Variants in XKR4 observed in about 807,000 individuals in gnomAD.
The protein encoded by XKR4 is XK related 4, also known as XK-related protein 4.
XKR4 carries 12 observed loss-of-function variants against 53.9 expected under a neutral mutation model. That is an observed-to-expected ratio of 0.22 (90% CI 0.14 to 0.36). XKR4 has a LOEUF of 0.36. Among genes scored for constraint, XKR4 ranks in the 10% least tolerant of loss-of-function variants. The pLI is 1.00. For synonymous variants in XKR4, 354 were observed against 362.4 expected (o/e 0.98, Z 0.26); for missense variants, 799 against 859.5 (o/e 0.93, Z 0.88).
chr8:55,261,300 T>A (rs1818521901), intron 1 of XKR4, among the ~76,000 whole-genome samples: 1 of 152,164 alleles, frequency 6.6e-6, no homozygotes, highest in African/African-American at 2.4e-5. Context: ...ACCCCCAAAT[T>A]CTTCAAAGAC....
chr8:55,141,663 C>T (rs1816704305), intron 1 of XKR4, among the ~76,000 whole-genome samples: 1 of 149,084 alleles, frequency 6.7e-6, no homozygotes, highest in African/African-American at 2.5e-5. Flanking sequence ...CTCTCTCTCT[C>T]TCTCTCTCTG....
chr8:55,240,438 C>T (rs1041744881), intron 1 of XKR4, among the ~76,000 whole-genome samples: 9 of 152,024 alleles, frequency 5.9e-5, no homozygotes, highest in East Asian at 1.9e-4. Context: ...TGATGAATTA[C>T]GGGACAGTTT....
intron 1 of XKR4, among the ~76,000 whole-genome samples, chr8:55,268,126 G>A (rs1265558622): frequency 5.3e-5 from 8 of 152,064 alleles, no homozygotes; most frequent in African/African-American, 9.7e-5. Flanking sequence ...AGACATTGTC[G>A]GAACAGCACC....
At chr8:55,253,499 T>C (rs1165350973) in intron 1 of XKR4, among the ~76,000 whole-genome samples, 1 of 152,188 alleles carries the variant, frequency 6.6e-6, no homozygotes, top group African/African-American at 2.4e-5. Context: ...AACGAACCAT[T>C]GTGAAAAATG....
At chr8:55,315,292 C>T (rs2129378733) in intron 1 of XKR4, among the ~76,000 whole-genome samples, 2 of 152,284 alleles carry the variant, frequency 1.3e-5, no homozygotes, top group Middle Eastern at 3.4e-3. Flanking sequence ...TGTTCGGAGT[C>T]CAGCGGTTCC....
chr8:55,384,250 G>A (rs1185347358), intron 2 of XKR4, among the ~76,000 whole-genome samples: 1 of 152,204 alleles, frequency 6.6e-6, no homozygotes, highest in African/African-American at 2.4e-5. Flanking sequence ...TTGGAGTCGG[G>A]TCTTCCTTCA....
intron 2 of XKR4, among the ~76,000 whole-genome samples, chr8:55,399,815 G>T (rs1804573328): frequency 6.6e-6 from 1 of 152,170 alleles, no homozygotes; most frequent in African/African-American, 2.4e-5. Flanking sequence ...AGAGGGGAGT[G>T]GTCAGAAGTA....
intron 2 of XKR4, among the ~76,000 whole-genome samples, chr8:55,414,692 AG>A (rs1804820684): frequency 6.6e-6 from 1 of 152,086 alleles, no homozygotes; most frequent in Non-Finnish European, 1.5e-5. Flanking sequence ...TTTAAGAGGC[AG>A]CTGACCACAT....
intron 2 of XKR4, among the ~76,000 whole-genome samples, chr8:55,444,300 C>A (rs76953086): frequency 9.5e-4 from 145 of 152,226 alleles, no homozygotes; most frequent in Non-Finnish European, 1.7e-3. Context: ...GTATAGGAAG[C>A]GAACTCAGGA....
At position 55,306,195 on chromosome 8, in the gene XKR4, A is replaced by G. The variant is rs375201904; in HGVS notation, c.807-51483A>G. Reference sequence around the variant, plus strand: ...TGGGCCGATAAACTGAACATGGTTTATAAACATTGAAATGGGTGGTAGGCT... The same window carrying G: ...TGGGCCGATAAACTGAACATGGTTTGTAAACATTGAAATGGGTGGTAGGCT... On this transcript the variant is annotated intron_variant, in intron 1 of 2. Transcript: ENST00000327381. Among the ~76,000 whole-genome samples the G allele has an allele frequency of 2.7e-4, 41 of 152,346 alleles. 1 individual carries two copies. The South Asian group carries it at 7.9e-3, about 29-fold the overall frequency.
intron 2 of XKR4, among the ~76,000 whole-genome samples, chr8:55,461,121 G>T (rs931119183): frequency 2.0e-5 from 3 of 152,246 alleles, no homozygotes; most frequent in African/African-American, 7.2e-5. Flanking sequence ...GCTTTGAAGA[G>T]AGTAGTGGTT....
rs562721538 is a variant in XKR4 at position 55,262,388 on chromosome 8, T to C, written c.807-95290T>C. ...AAGTGGTTATTATGGACTGAATGTT[T>C]GTGTCCCTGAAAAAATTCACATGTT... On this transcript the variant is annotated intron_variant, in intron 1 of 2. Coordinates refer to ENST00000327381, the MANE Select transcript of XKR4 (RefSeq NM_052898.2). 4.6e-5 allele frequency among the ~76,000 whole-genome samples: 7 copies of C among 152,360 alleles called. No homozygotes were observed. The East Asian group carries it at 1.2e-3, about 25-fold the overall frequency.
chr8:55,278,352 A>C (rs1165161301), intron 1 of XKR4, among the ~76,000 whole-genome samples: 1 of 151,454 alleles, frequency 6.6e-6, no homozygotes, highest in Non-Finnish European at 1.5e-5. Flanking sequence ...AAAAAAAAAA[A>C]AGCATACATC....
intron 1 of XKR4, among the ~76,000 whole-genome samples, chr8:55,309,018 G>A (rs537469588): frequency 3.9e-5 from 6 of 152,274 alleles, no homozygotes; most frequent in African/African-American, 1.4e-4. Context: ...GGAGGAAGAG[G>A]CCATAAGCCA....
intron 1 of XKR4, chr8:55,161,472 G>C (rs1000315099): frequency 2.2e-6 from 1 of 452,892 alleles, no homozygotes; most frequent in African/African-American, 2.0e-5. Context: ...TGCTGGGCTG[G>C]GCAGTGATGG....
chr8:55,287,174 A>T (rs892024824), intron 1 of XKR4, among the ~76,000 whole-genome samples: 2 of 66,654 alleles, frequency 3.0e-5, no homozygotes, highest in Non-Finnish European at 1.1e-4. Context: ...AATTTAAATT[A>T]AAAAAAATAC....
intron 1 of XKR4, among the ~76,000 whole-genome samples, chr8:55,256,322 G>T (rs897731392): frequency 1.6e-4 from 24 of 152,126 alleles, no homozygotes; most frequent in Non-Finnish European, 2.9e-4. Flanking sequence ...CCAAAGAATG[G>T]CATGGCCAGA....
chr8:55,286,096 G>A (rs1281785598), intron 1 of XKR4, among the ~76,000 whole-genome samples: 2 of 152,214 alleles, frequency 1.3e-5, no homozygotes, highest in African/African-American at 4.8e-5. Context: ...TTGTTGCCAA[G>A]TAAAAGAAAG....
chr8:55,472,442 C>T (rs915565356), intron 2 of XKR4, among the ~76,000 whole-genome samples: 1 of 151,216 alleles, frequency 6.6e-6, no homozygotes, highest in Admixed American at 6.6e-5. Flanking sequence ...GTTATGCTGA[C>T]TATTATTAGT....
Sources: gnomAD v4.1 joint callset for allele counts (sites outside exome capture counted in the v4.1 genomes callset) on GRCh38, gnomAD v4.1.1 for gene constraint, MANE v1.5 for transcripts, NCBI Gene and HGNC (gene_info 2026-07-23, HGNC 2026-07-21) for gene names.